The following ARHGAP6 variants were observed in gnomAD, a reference collection of about 807,000 sequenced individuals.
ARHGAP6 encodes the protein rho GTPase-activating protein 6.
Under a neutral mutation model 55.7 loss-of-function variants are expected in ARHGAP6, and 16 were observed. That is an observed-to-expected ratio of 0.29 (90% CI 0.19 to 0.44). The LOEUF is 0.44. Ranked by LOEUF, ARHGAP6 falls within the 20% of genes least tolerant of loss-of-function variation. ARHGAP6 has a pLI of 1.00. For synonymous variants in ARHGAP6, 382 were observed against 360.9 expected, an observed-to-expected ratio of 1.06 and a Z score of -0.66; for missense variants, 698 against 808.9, an observed-to-expected ratio of 0.86 and a Z score of 1.66.
chrX:11,196,746 A>G (rs1343963926), intron 3 of ARHGAP6, among the ~76,000 whole-genome samples, 179 bp downstream of exon 3: 1 of 112,121 alleles, frequency 8.9e-6, no homozygotes, highest in Non-Finnish European at 1.9e-5. Flanking sequence ...TCAGTTCAGT[A>G]CAGGGCTGCT....
intron 1 of ARHGAP6, among the ~76,000 whole-genome samples, chrX:11,478,157 G>A (rs1001486427): frequency 9.0e-6 from 1 of 111,710 alleles, no homozygotes; most frequent in Non-Finnish European, 1.9e-5. Flanking sequence ...TAAATAAACA[G>A]CTTCCCTATG....
chrX:11,408,196 G>T (rs1348947460), intron 1 of ARHGAP6, among the ~76,000 whole-genome samples: 2 of 111,199 alleles, frequency 1.8e-5, no homozygotes, highest in Non-Finnish European at 3.8e-5. Flanking sequence ...AGCCTGGTTA[G>T]TCTGTCAAGC....
chrX:11,501,045 T>C (rs1361220080), intron 1 of ARHGAP6, among the ~76,000 whole-genome samples: 1 of 112,205 alleles, frequency 8.9e-6, no homozygotes, highest in East Asian at 2.8e-4. Context: ...AGTAAATATG[T>C]TTGGCTTTGT....
chrX:11,190,460 G>GATATATATATATATATAT (rs535056484), intron 3 of ARHGAP6, among the ~76,000 whole-genome samples: 1 of 76,959 alleles, frequency 1.3e-5, no homozygotes, highest in African/African-American at 5.4e-5. Context: ...ACCCTGAGGA[G>GATATATATATATATATAT]ATATATATAT....
At chrX:11,424,847 A>C (rs2049862010) in intron 1 of ARHGAP6, among the ~76,000 whole-genome samples, 1 of 112,682 alleles carries the variant, frequency 8.9e-6, no homozygotes, top group Admixed American at 9.4e-5. Flanking sequence ...GTGATGATAA[A>C]GCAAGAAGAC....
chrX:11,387,647 C>A (rs7060985), intron 1 of ARHGAP6, among the ~76,000 whole-genome samples: 1,246 of 111,136 alleles, frequency 0.011, 19 homozygotes, highest in African/African-American at 0.037. Context: ...TGGTGTGCTG[C>A]CCCCATTAAC....
chrX:11,382,395 G>A (rs751341755), intron 1 of ARHGAP6, among the ~76,000 whole-genome samples: 12 of 111,440 alleles, frequency 1.1e-4, no homozygotes, highest in African/African-American at 3.9e-4. Context: ...AATAAAGAGT[G>A]TTTTTATGCT....
chrX:11,248,420 A>G (rs773652869), intron 2 of ARHGAP6, among the ~76,000 whole-genome samples: 18 of 112,201 alleles, frequency 1.6e-4, no homozygotes, highest in African/African-American at 5.8e-4. Flanking sequence ...AATAGCTGGG[A>G]CTTAATTAAA....
intron 1 of ARHGAP6, among the ~76,000 whole-genome samples, chrX:11,429,347 G>C (rs2049920378): frequency 1.8e-5 from 2 of 111,721 alleles, no homozygotes; most frequent in Admixed American, 1.9e-4. Context: ...TATTGACTAG[G>C]AAGGTGGTAC....
intron 1 of ARHGAP6, among the ~76,000 whole-genome samples, chrX:11,618,256 C>T (rs150578714): frequency 3.0e-3 from 338 of 111,814 alleles, no homozygotes; most frequent in African/African-American, 0.01. Flanking sequence ...CCATTTTAGA[C>T]ATCTGATCTC....
intron 1 of ARHGAP6, among the ~76,000 whole-genome samples, chrX:11,416,944 TTCAA>T (rs2049755285): frequency 9.5e-6 from 1 of 105,429 alleles, no homozygotes; most frequent in Non-Finnish European, 1.9e-5. Flanking sequence ...TCTGCCGTGT[TTCAA>T]TCAAAAGCAG....
At chrX:11,540,352 G>C (rs73497045) in intron 1 of ARHGAP6, among the ~76,000 whole-genome samples, 2,963 of 110,842 alleles carry the variant, frequency 0.027, 45 homozygotes, top group Middle Eastern at 0.061. Context: ...CAATACTTCA[G>C]CTTTACAGAG....
rs1461706357 is a variant in ARHGAP6 at position 11,421,624 on chromosome X, CT to C, written c.589-166918del. On this transcript the variant is annotated intron_variant, in intron 1 of 12. Coordinates refer to ENST00000337414, the MANE Select transcript of ARHGAP6 (RefSeq NM_013427.3). ...CAAAGGACTGCTCTGAAAACTTGTACTAGATTACCTCAGAGTCAGCTGAGGT... is the reference window on the plus strand; with the variant it reads ...CAAAGGACTGCTCTGAAAACTTGTACAGATTACCTCAGAGTCAGCTGAGGT... Among the ~76,000 whole-genome samples, 7 of 112,052 alleles carry C rather than the reference CT, an allele frequency of 6.2e-5. No homozygotes were observed. In the East Asian group the frequency reaches 2.0e-3, roughly 31 times the overall value.
intron 1 of ARHGAP6, among the ~76,000 whole-genome samples, chrX:11,493,028 C>T (rs1238876998): frequency 1.8e-5 from 2 of 112,233 alleles, no homozygotes; most frequent in Non-Finnish European, 3.8e-5. Flanking sequence ...CCCCAGCTGA[C>T]TGCCTGGAGC....
chrX:11,471,061 TA>T, intron 1 of ARHGAP6, among the ~76,000 whole-genome samples: 1 of 111,588 alleles, frequency 9.0e-6, no homozygotes, highest in South Asian at 3.8e-4. Context: ...ACCACAAGGA[TA>T]AAAAACAGGA....
In ARHGAP6 at chrX:11,294,743, A is replaced by C. The variant is rs184371797; in HGVS notation, c.589-40036T>G. On this transcript the variant is annotated intron_variant, in intron 1 of 12. Transcript: ENST00000337414. ...ATTCATTACATCCATGTTTCAGAAGAGATAAGAAAAGTGGATGTTGACTTA... is the reference window on the plus strand; with the variant it reads ...ATTCATTACATCCATGTTTCAGAAGCGATAAGAAAAGTGGATGTTGACTTA... 4.7e-3 allele frequency: 5,461 copies of C among 1,169,379 alleles called. 17 individuals are homozygous for C. Among genetic ancestry groups the C allele is most frequent in the Middle Eastern group, 0.019 (80 of 4,257 alleles).
intron 1 of ARHGAP6, chrX:11,265,578 A>G: frequency 8.9e-6 from 5 of 559,890 alleles, no homozygotes; most frequent in Non-Finnish European, 9.0e-6. Flanking sequence ...GACACTGATC[A>G]TTCCAGTTTT....
At chrX:11,174,564 TCCTTCC>T (rs1472418653) in intron 8 of ARHGAP6, among the ~76,000 whole-genome samples, 7 of 79,462 alleles carry the variant, frequency 8.8e-5, no homozygotes, top group African/African-American at 3.6e-4. Flanking sequence ...CTTCCTTCCT[TCCTTCC>T]TTCCTTTCTT....
Position 11,508,631 on chromosome X carries a change from T to C in ARHGAP6, c.588+155610A>G, listed in dbSNP as rs62587971. 8.9e-3 allele frequency among the ~76,000 whole-genome samples: 975 copies of C among 109,768 alleles called. 5 individuals are homozygous for C. Among genetic ancestry groups the C allele is most frequent in the Middle Eastern group, 0.014 (3 of 216 alleles). ...TCCCAAGGACTGACTCCAGCTGCCTTTGGACCCACCCAAGGACTGGAGTCC... is the reference window on the plus strand; with the variant it reads ...TCCCAAGGACTGACTCCAGCTGCCTCTGGACCCACCCAAGGACTGGAGTCC... On this transcript the variant is annotated intron_variant, in intron 1 of 12. Coordinates refer to ENST00000337414, the MANE Select transcript of ARHGAP6 (RefSeq NM_013427.3).
Sources: allele counts gnomAD v4.1 joint callset (sites outside exome capture counted in the v4.1 genomes callset), GRCh38; gene constraint gnomAD v4.1.1; transcripts MANE v1.5; gene names NCBI Gene and HGNC (gene_info 2026-07-23, HGNC 2026-07-21).